Variants in PLEKHG5 observed in about 807,000 individuals in gnomAD.
The protein encoded by PLEKHG5 is pleckstrin homology domain-containing family G member 5.
Under a neutral mutation model 103.8 loss-of-function variants are expected in PLEKHG5, and 52 were observed. The observed-to-expected ratio is 0.50, with a 90% CI of 0.40 to 0.63. The LOEUF is 0.63. Ranked by LOEUF, PLEKHG5 falls within the 30% of genes least tolerant of loss-of-function variation. The pLI is 0.00. For missense variants in PLEKHG5, 1,205 were observed against 1,347.6 expected, an observed-to-expected ratio of 0.89 and a Z score of 1.66; for synonymous variants, 592 against 575.5, an observed-to-expected ratio of 1.03 and a Z score of -0.41.
At chr1:6,496,621 G>A, upstream of PLEKHG5, 2 of 1,353,878 alleles carry the variant, frequency 1.5e-6, no homozygotes, top group African/African-American at 3.0e-5. Flanking sequence ...AGGCTCCCCT[G>A]GGCCCCACTG....
Position 6,471,518 on chromosome 1 carries a change from C to T in PLEKHG5, c.1251G>A (p.Gln417=), listed in dbSNP as rs568915094. The part of the protein sequence containing the change: ...EKARRTRALL[Q]PGDFLKGFKM... ...TGAAGCCTTTGAGGAAGTCCCCGGG[C>T]TGTAGCAGCGCTCGCGTGCGCCGCG... Residue 417 remains glutamine (Q), a synonymous_variant, in exon 12 of 21, where the codon CAG becomes CAA. Coordinates refer to ENST00000377728, the MANE Select transcript of PLEKHG5 (RefSeq NM_020631.6). 7 of 1,610,480 alleles carry T rather than the reference C, an allele frequency of 4.3e-6. No individual in the cohort carries two copies. The highest frequency in any genetic ancestry group is 5.9e-6 in the Non-Finnish European group (7 of 1,179,090).
chr1:6,475,182 G>A lies in PLEKHG5; in HGVS notation c.211-44C>T, dbSNP rs113224596. 7,142 of 1,116,218 alleles carry A rather than the reference G, an allele frequency of 6.4e-3. 420 individuals are homozygous for A. The African/African-American group carries it at 0.1, about 16-fold the overall frequency. The allele number at this position is 1,116,218 out of a possible 1,614,324, so 69.1% of individuals were successfully genotyped here. ...TGGGGGCTGTGAGCTTCTCCTCACC[G>A]CCCTCATTCCCGCCCTCCTCCCCAC... On this transcript the variant is annotated intron_variant, in intron 4 of 20. Transcript: ENST00000377728.
In PLEKHG5 at chr1:6,473,102, G is replaced by GGGGCAGCCT. The variant is rs755435332; in HGVS notation, c.859_867dup (p.Leu288_Arg290dup). ...GAGTCATGGTCGAAGCGCAGCCCCC[G>GGGGCAGCCT]GGGCAGCCTGGGCAGCCCGAAGAGG... On this transcript the variant is annotated inframe_insertion, in exon 9 of 21. Transcript: ENST00000377728. The GGGGCAGCCT allele has an allele frequency of 1.2e-6, 2 of 1,613,678 alleles. No individual in the cohort carries two copies. Among genetic ancestry groups the GGGGCAGCCT allele is most frequent in the Non-Finnish European group, 8.5e-7 (1 of 1,179,798 alleles).
At position 6,467,412 on chromosome 1, in the gene PLEKHG5, C is replaced by T. The variant is rs1035464149; in HGVS notation, c.*151G>A. On this transcript the variant is annotated 3_prime_UTR_variant, in exon 21 of 21. Coordinates refer to ENST00000377728, the MANE Select transcript of PLEKHG5 (RefSeq NM_020631.6). Reference sequence around the variant, plus strand: ...CTCCACTCCATCCAGTCCGGCAAAGCGCAAATCGGGCCCGGGCGTAGGCAG... The same window carrying T: ...CTCCACTCCATCCAGTCCGGCAAAGTGCAAATCGGGCCCGGGCGTAGGCAG... 24 of 859,008 alleles carry T rather than the reference C, an allele frequency of 2.8e-5. No individual in the cohort carries two copies. The highest frequency in any genetic ancestry group is 1.5e-4 in the African/African-American group (9 of 60,704). The allele number at this position is 859,008 out of a possible 1,614,324, so 53.2% of individuals were successfully genotyped here.
At chr1:6,497,359 G>T (rs1157770165), upstream of PLEKHG5, 6 of 1,093,122 alleles carry the variant, frequency 5.5e-6, no homozygotes, top group African/African-American at 8.3e-5. This position sits in a 1 kb window ranked among gnomAD's most constrained non-coding sequence, Gnocchi z 6.1. Context: ...GGCGGGCGGC[G>T]GGCGGGGGCG....
upstream of PLEKHG5, chr1:6,496,852 G>C: frequency 1.4e-6 from 1 of 691,382 alleles, no homozygotes; most frequent in South Asian, 2.1e-5. Flanking sequence ...TGGGGGACAA[G>C]TGGGGGAGCG....
Position 6,490,901 on chromosome 1 carries a change from G to A in PLEKHG5, c.-88+736C>T, listed in dbSNP as rs1299860804. ...CCCATCCCGGAAGGGGGCTAGGGGGGACCAGGGCCCGCGACAGGAAGCCTC... is the reference window on the plus strand; with the variant it reads ...CCCATCCCGGAAGGGGGCTAGGGGGAACCAGGGCCCGCGACAGGAAGCCTC... On this transcript the variant is annotated intron_variant, in intron 1 of 20. Transcript: ENST00000377728. The surrounding 1 kb of genome is among the most constrained non-coding windows in gnomAD (Gnocchi z 8.0). Among the ~76,000 whole-genome samples, 1 of 152,146 alleles carries A rather than the reference G, an allele frequency of 6.6e-6. No homozygotes were observed. Among genetic ancestry groups the A allele is most frequent in the Non-Finnish European group, 1.5e-5 (1 of 68,018 alleles).
rs778854412 is a variant in PLEKHG5 at position 6,468,048 on chromosome 1, G to A, written c.2788C>T (p.Arg930Ter). 3.2e-6 allele frequency: 5 copies of A among 1,563,626 alleles called. No homozygotes were observed. Among genetic ancestry groups the A allele is most frequent in the African/African-American group, 1.3e-5 (1 of 74,142 alleles). The stretch of plus-strand genomic sequence containing the variant: ...CCGCTGCCAGGGCTAGGGGCCCCTC[G>A]GCAATCCCAGCTGGGCCCAGCTTCC... ...PQEAGPSWDC[R>*]GAPSPGSGPG... The change falls in exon 20 of 21, where the codon CGA (arginine) becomes TGA (stop). Residue 930 changes from arginine (R) to a stop codon, truncating the protein, a stop_gained. Coordinates refer to ENST00000377728, the MANE Select transcript of PLEKHG5 (RefSeq NM_020631.6). LOFTEE classifies it high-confidence loss of function.
chr1:6,506,719 GTCC>G (rs1441675961), intron 1 of PLEKHG5, among the ~76,000 whole-genome samples: 1 of 152,214 alleles, frequency 6.6e-6, no homozygotes, highest in Non-Finnish European at 1.5e-5. Flanking sequence ...CTCAAGGCAT[GTCC>G]CTCACCTCCA....
upstream of PLEKHG5, among the ~76,000 whole-genome samples, chr1:6,499,321 T>C (rs909166118): frequency 6.6e-6 from 1 of 152,168 alleles, no homozygotes; most frequent in Non-Finnish European, 1.5e-5. Flanking sequence ...TCTATGCCAC[T>C]TGGGTTCTGG....
upstream of PLEKHG5, chr1:6,496,820 C>T: frequency 1.7e-6 from 1 of 574,702 alleles, no homozygotes; most frequent in Admixed American, 3.6e-5. Context: ...ATACGCTGCT[C>T]TCTCCCTCTG....
chr1:6,483,676 TA>T (rs1221014020), intron 1 of PLEKHG5, among the ~76,000 whole-genome samples: 1 of 152,130 alleles, frequency 6.6e-6, no homozygotes, highest in Non-Finnish European at 1.5e-5. Context: ...GAAAAAAATT[TA>T]AAAACTACAG....
At chr1:6,471,195 T>C in intron 12 of PLEKHG5, 95 bp from the exon 13 acceptor site, 1 of 1,010,244 alleles carries the variant, frequency 9.9e-7, no homozygotes, top group Non-Finnish European at 1.5e-6. Context: ...CTTACTGCAC[T>C]TGGGCGACCA....
chr1:6,509,501 ACAGGTGG>A (rs1056803779), intron 1 of PLEKHG5, among the ~76,000 whole-genome samples: 11 of 152,162 alleles, frequency 7.2e-5, no homozygotes, highest in African/African-American at 2.7e-4. Flanking sequence ...AGGAAGAGAA[ACAGGTGG>A]CAGGACCCGG....
Position 6,505,225 on chromosome 1 carries a change from A to G in PLEKHG5, c.-164-8656T>C, listed in dbSNP as rs1207293367. ...TGCACCAAAGCTCCCTGACAGAGCT[A>G]GGTCCCCAGCCCACAGTGCCGGTCA... On this transcript the variant is annotated intron_variant, in intron 1 of 21. Transcript: ENST00000377740. This position sits in a 1 kb window ranked among gnomAD's most constrained non-coding sequence, Gnocchi z 4.2. Among the ~76,000 whole-genome samples the G allele has an allele frequency of 2.0e-5, 3 of 152,110 alleles. No individual in the cohort carries two copies. Among genetic ancestry groups the G allele is most frequent in the Non-Finnish European group, 4.4e-5 (3 of 67,998 alleles).
chr1:6,485,386 G>GC, intron 1 of PLEKHG5: 2 of 1,398,534 alleles, frequency 1.4e-6, no homozygotes, highest in Admixed American at 3.4e-5. Flanking sequence ...CGGAGGGGCA[G>GC]CCCCGGGCCC....
intron 1 of PLEKHG5, among the ~76,000 whole-genome samples, chr1:6,484,605 T>C (rs1276250947): frequency 6.6e-6 from 1 of 151,696 alleles, no homozygotes; most frequent in African/African-American, 2.4e-5. Flanking sequence ...TCTCCCCAGC[T>C]CCCTCCAGAG....
At chr1:6,516,866 G>GTGTGTATA (rs1288870331) in intron 1 of PLEKHG5, among the ~76,000 whole-genome samples, 149 of 25,852 alleles carry the variant, frequency 5.8e-3, no homozygotes, top group East Asian at 0.032. Flanking sequence ...GTATATATGT[G>GTGTGTATA]TATATATATA....
chr1:6,467,515 C>T lies in PLEKHG5; in HGVS notation c.*48G>A. On this transcript the variant is annotated 3_prime_UTR_variant, in exon 21 of 21. Transcript: ENST00000377728. ...GTGCCGGCACGCCCCAGGAGGCAGGCTGTCTGCTGTCTCTTGGTCAATGGC... is the reference window on the plus strand; with the variant it reads ...GTGCCGGCACGCCCCAGGAGGCAGGTTGTCTGCTGTCTCTTGGTCAATGGC... 2 of 1,595,966 alleles carry T rather than the reference C, an allele frequency of 1.3e-6. No individual in the cohort carries two copies. The highest frequency in any genetic ancestry group is 1.7e-6 in the Non-Finnish European group (2 of 1,163,972).
Sources: gnomAD v4.1 joint callset for allele counts (sites outside exome capture counted in the v4.1 genomes callset) on GRCh38, gnomAD v4.1.1 for gene constraint, Gnocchi (gnomAD v3.1) non-coding constraint, MANE v1.5 for transcripts, NCBI Gene and HGNC (gene_info 2026-07-23, HGNC 2026-07-21) for gene names.